Variants in SUPT5H observed in about 807,000 individuals in gnomAD.
SUPT5H encodes the protein SPT5 homolog, DSIF elongation factor subunit.
SUPT5H carries 24 observed loss-of-function variants against 142.5 expected under a neutral mutation model. The observed-to-expected ratio is 0.17, with a 90% CI of 0.12 to 0.24. The LOEUF (loss-of-function observed/expected upper bound fraction) is 0.24, where lower values mean the gene tolerates loss of function less well. SUPT5H is among the 10% of genes least tolerant of loss of function. SUPT5H has a pLI of 1.00. For missense variants in SUPT5H, 893 were observed against 1,471.8 expected, an observed-to-expected ratio of 0.61 and a Z score of 6.43; for synonymous variants, 546 against 553.0, an observed-to-expected ratio of 0.99 and a Z score of 0.18.
Position 39,474,463 on chromosome 19 carries a change from G to T in SUPT5H, c.2821-52G>T, listed in dbSNP as rs368429841. The T allele has an allele frequency of 7.4e-6, 12 of 1,611,094 alleles. No homozygotes were observed. Among genetic ancestry groups the T allele is most frequent in the Non-Finnish European group, 1.0e-5 (12 of 1,177,942 alleles). On this transcript the variant is annotated intron_variant, in intron 27 of 29. Transcript: ENST00000432763. The surrounding 1 kb of genome is among the most constrained non-coding windows in gnomAD (Gnocchi z 6.5). ...GCTAGGGTGACTTTGGGCATATAGG[G>T]TCGGCCAGGCCAGATGACTATTCCC...
In SUPT5H at chr19:39,468,763, G is replaced by T; in HGVS notation, c.1045G>T (p.Gly349Trp). 1.9e-6 allele frequency: 3 copies of T among 1,614,064 alleles called. No individual in the cohort carries two copies. The highest frequency in any genetic ancestry group is 2.5e-6 in the Non-Finnish European group (3 of 1,179,928). The part of the protein sequence containing the change: ...LFDAEKIRSL[G>W]GDVASDGDFL... ...TCCCCCATCAAATTCCAGGTCCCTG[G>T]GGGGTGATGTTGCCTCTGATGGTGA... The change falls in exon 14 of 30, where the codon GGG becomes TGG. Residue 349 changes from glycine to tryptophan, a missense_variant. Gly to Trp is a radical substitution (Grantham distance 184). Around this residue, in one of 6 missense-constraint regions of SUPT5H, gnomAD observed 428 missense variants for 763.5 expected, o/e 0.56. Transcript: ENST00000432763.
At position 39,473,935 on chromosome 19, in the gene SUPT5H, C is replaced by G; in HGVS notation, c.2493-28C>G. 6.2e-7 allele frequency: 1 copy of G among 1,613,682 alleles called. No individual in the cohort carries two copies. Among genetic ancestry groups the G allele is most frequent in the African/African-American group, 1.3e-5 (1 of 75,012 alleles). On this transcript the variant is annotated intron_variant, in intron 25 of 29. Coordinates refer to ENST00000432763, the MANE Select transcript of SUPT5H (RefSeq NM_001111020.3). The surrounding 1 kb of genome is among the most constrained non-coding windows in gnomAD (Gnocchi z 5.8). ...GCATCCATCGCATTATCACCACAGT[C>G]GCTGTCAACAGACTTTTCTCCCAAC...
chr19:39,461,400 A>G (rs949110295), intron 10 of SUPT5H, among the ~76,000 whole-genome samples: 4 of 152,102 alleles, frequency 2.6e-5, no homozygotes, highest in African/African-American at 9.7e-5. Context: ...AGGGAGGTTG[A>G]AAAGGTACCT....
At chr19:39,475,995 A>G (rs2079399675) in intron 28 of SUPT5H, 86 bp from the exon 29 acceptor site, 1 of 1,261,162 alleles carries the variant, frequency 7.9e-7, no homozygotes, top group East Asian at 2.4e-5. Flanking sequence ...TCTCAGAATG[A>G]GCCCTGAGCC....
chr19:39,464,908 G>A lies in SUPT5H; in HGVS notation c.735G>A (p.Leu245=). Residue 245 remains leucine, a synonymous_variant, in exon 11 of 30, where the codon CTG becomes CTA. Coordinates refer to ENST00000432763, the MANE Select transcript of SUPT5H (RefSeq NM_001111020.3). ...VKQAIEGVGN[L]RLGYWNQQMV... is the part of the protein sequence containing the mutation. ...AGGCCATTGAGGGGGTGGGCAACCT[G>A]CGGCTTGGCTACTGGAACCAGCAGA... The A allele has an allele frequency of 6.2e-7, 1 of 1,614,136 alleles. No individual in the cohort carries two copies.
chr19:39,459,099 G>A (rs757552296), intron 7 of SUPT5H, 26 bp downstream of exon 7: 4 of 1,613,820 alleles, frequency 2.5e-6, no homozygotes, highest in Middle Eastern at 1.6e-4. Flanking sequence ...GGGCAGGTGG[G>A]GGCAGGGAGC....
Position 39,473,220 on chromosome 19 carries a change from G to A in SUPT5H, c.2276G>A (p.Gly759Asp). 6.2e-7 allele frequency: 1 copy of A among 1,612,950 alleles called. No individual in the cohort carries two copies. Among genetic ancestry groups the A allele is most frequent in the Non-Finnish European group, 8.5e-7 (1 of 1,179,948 alleles). The change falls in exon 24 of 30, where the codon GGC becomes GAC. Residue 759 changes from glycine (G) to aspartate (D), a missense_variant. By Grantham distance (94) the Gly-to-Asp change is moderately conservative. Transcript: ENST00000432763. This position sits in a 1 kb window ranked among gnomAD's most constrained non-coding sequence, Gnocchi z 5.8. ...GTCCCCAGGGGCTCACGGCGCCCGG[G>A]CGGCATGACCTCGACCTATGGGAGG... ...RLTTVGSRRP[G>D]GMTSTYGRTP...
In SUPT5H at chr19:39,472,737, AG is replaced by A; in HGVS notation, c.2036-69del. 6.5e-7 allele frequency: 1 copy of A among 1,542,182 alleles called. No individual in the cohort carries two copies. The highest frequency in any genetic ancestry group is 1.2e-5 in the South Asian group (1 of 80,462). ...AAGTAGGGAGGAGTCAAGCAAGTGA[AG>A]GGGACGTTCTGATGGTGCCCTTGCT... On this transcript the variant is annotated intron_variant, in intron 21 of 29. Transcript: ENST00000432763. The surrounding 1 kb of genome is among the most constrained non-coding windows in gnomAD (Gnocchi z 4.2).
Position 39,472,747 on chromosome 19 carries a change from C to A in SUPT5H, c.2036-63C>A. On this transcript the variant is annotated intron_variant, in intron 21 of 29. Transcript: ENST00000432763. This position sits in a 1 kb window ranked among gnomAD's most constrained non-coding sequence, Gnocchi z 4.2. ...GAGTCAAGCAAGTGAAGGGGACGTTCTGATGGTGCCCTTGCTGTGGGCACA... is the reference window on the plus strand; with the variant it reads ...GAGTCAAGCAAGTGAAGGGGACGTTATGATGGTGCCCTTGCTGTGGGCACA... The A allele has an allele frequency of 6.4e-7, 1 of 1,560,730 alleles. No individual in the cohort carries two copies. The highest frequency in any genetic ancestry group is 8.7e-7 in the Non-Finnish European group (1 of 1,151,256).
intron 2 of SUPT5H, among the ~76,000 whole-genome samples, chr19:39,447,984 A>G (rs2078974469): frequency 6.6e-6 from 1 of 152,166 alleles, no homozygotes; most frequent in Admixed American, 6.5e-5. Context: ...AAAGATTAAG[A>G]TTTCTTTTTC....
intron 20 of SUPT5H, 28 bp downstream of exon 20, chr19:39,471,758 C>A: frequency 6.2e-7 from 1 of 1,602,968 alleles, no homozygotes; most frequent in Admixed American, 1.7e-5. Flanking sequence ...GGACCCTGTG[C>A]GTTGGGTACC....
In SUPT5H at chr19:39,474,273, C is replaced by G. The variant is rs2079370240; in HGVS notation, c.2691C>G (p.Ser897=). ...TDQFSPYAAP[S]PQGSYQPSPS... ...AGTTCTCTCCCTATGCTGCCCCCTC[C>G]CCACAAGGTTCCTACCAGCCCAGCC... The change falls in exon 27 of 30, where the codon TCC becomes TCG. Residue 897 remains serine (S), a synonymous_variant. Transcript: ENST00000432763. The surrounding 1 kb of genome is among the most constrained non-coding windows in gnomAD (Gnocchi z 6.5). The G allele has an allele frequency of 1.2e-6, 2 of 1,614,082 alleles. No individual in the cohort carries two copies. Among genetic ancestry groups the G allele is most frequent in the African/African-American group, 1.3e-5 (1 of 75,014 alleles).
At chr19:39,463,571 T>A (rs2079194181) in intron 10 of SUPT5H, among the ~76,000 whole-genome samples, 1 of 152,212 alleles carries the variant, frequency 6.6e-6, no homozygotes, top group Admixed American at 6.5e-5. Context: ...AGAAAGTGCA[T>A]TCTGCTGTTG....
intron 3 of SUPT5H, among the ~76,000 whole-genome samples, chr19:39,455,067 C>T (rs1258009355): frequency 6.6e-6 from 1 of 152,168 alleles, no homozygotes; most frequent in African/African-American, 2.4e-5. Context: ...TGCATGAGTG[C>T]ATGAAGACCT....
At chr19:39,453,808 G>A (rs909635188) in intron 3 of SUPT5H, among the ~76,000 whole-genome samples, 6 of 152,148 alleles carry the variant, frequency 3.9e-5, no homozygotes, top group Non-Finnish European at 8.8e-5. Flanking sequence ...CTCGTGATCT[G>A]CCCGCCTTGG....
intron 13 of SUPT5H, 125 bp from the exon 14 acceptor site, chr19:39,468,631 C>A: frequency 1.3e-6 from 1 of 776,166 alleles, no homozygotes; most frequent in Non-Finnish European, 2.2e-6. Flanking sequence ...AGGGTGTGTG[C>A]TGGGATGGGA....
chr19:39,475,383 C>G (rs1264924175), intron 28 of SUPT5H, among the ~76,000 whole-genome samples: 1 of 118,666 alleles, frequency 8.4e-6, no homozygotes, highest in African/African-American at 3.8e-5. Flanking sequence ...GGTGACAGAG[C>G]AAGACTCCTC....
intron 10 of SUPT5H, among the ~76,000 whole-genome samples, chr19:39,460,604 G>A (rs2079148478): frequency 6.6e-6 from 1 of 152,078 alleles, no homozygotes; most frequent in Non-Finnish European, 1.5e-5. Flanking sequence ...TGGGCGTGGT[G>A]GTGCACACCT....
chr19:39,450,404 T>C (rs2079006430), intron 2 of SUPT5H, among the ~76,000 whole-genome samples: 1 of 152,112 alleles, frequency 6.6e-6, no homozygotes, highest in African/African-American at 2.4e-5. Context: ...GCCTCCTGAA[T>C]AGCTGGGATT....
Sources: gnomAD v4.1 joint callset for allele counts (sites outside exome capture counted in the v4.1 genomes callset) on GRCh38, gnomAD v4.1.1 for gene constraint, gnomAD v4.1.1 regional missense constraint, Gnocchi (gnomAD v3.1) non-coding constraint, MANE v1.5 for transcripts, NCBI Gene and HGNC (gene_info 2026-07-23, HGNC 2026-07-21) for gene names.